The following CACNG2 variants were observed in gnomAD, a reference collection of about 807,000 sequenced individuals.
CACNG2 encodes the protein calcium voltage-gated channel auxiliary subunit gamma 2.
A neutral mutation model predicts 25.9 loss-of-function variants in CACNG2; 3 were observed. The ratio of observed to expected loss-of-function variants is 0.12; its 90% CI spans 0.05 to 0.30. The LOEUF (loss-of-function observed/expected upper bound fraction) is 0.30. Ranked by LOEUF, CACNG2 falls within the 10% of genes least tolerant of loss-of-function variation. The pLI is 1.00. For missense variants in CACNG2, 341 were observed against 432.5 expected (o/e 0.79, Z 1.88); for synonymous variants, 167 against 173.3 (o/e 0.96, Z 0.29).
intron 1 of CACNG2, among the ~76,000 whole-genome samples, chr22:36,693,010 G>T (rs1937285212): frequency 6.6e-6 from 1 of 152,152 alleles, no homozygotes; most frequent in Non-Finnish European, 1.5e-5. Context: ...GATAAGCATG[G>T]TGGTGTGCGC....
At chr22:36,573,767 T>C (rs1251812656) in intron 2 of CACNG2, among the ~76,000 whole-genome samples, 1 of 152,182 alleles carries the variant, frequency 6.6e-6, no homozygotes, top group Non-Finnish European at 1.5e-5. Context: ...CATTCCCTTC[T>C]TTTCAGGCTC....
intron 1 of CACNG2, among the ~76,000 whole-genome samples, chr22:36,629,532 A>ATG (rs1192562180): frequency 2.0e-4 from 31 of 151,656 alleles, no homozygotes; most frequent in South Asian, 8.4e-4. Context: ...GTTCGTGTGT[A>ATG]TGTGTGTGTG....
chr22:36,621,033 T>C (rs1222614312), intron 1 of CACNG2, among the ~76,000 whole-genome samples: 3 of 152,158 alleles, frequency 2.0e-5, no homozygotes, highest in Non-Finnish European at 4.4e-5. Flanking sequence ...AACTCTTACA[T>C]TGTATGAGAT....
At chr22:36,639,334 TC>T (rs2145965098) in intron 1 of CACNG2, among the ~76,000 whole-genome samples, 1 of 152,336 alleles carries the variant, frequency 6.6e-6, no homozygotes, top group East Asian at 1.9e-4. Context: ...GGTCAGTTCT[TC>T]CTAAGAAGTG....
At chr22:36,650,333 C>T (rs1395967773) in intron 1 of CACNG2, among the ~76,000 whole-genome samples, 1 of 152,004 alleles carries the variant, frequency 6.6e-6, no homozygotes, top group Non-Finnish European at 1.5e-5. Context: ...TTCTGCTTGG[C>T]TGGACTCGCT....
chr22:36,680,054 C>CCACCACCTGCATCATGGCTATAAT (rs1937078215), intron 1 of CACNG2, among the ~76,000 whole-genome samples: 1 of 151,306 alleles, frequency 6.6e-6, no homozygotes, highest in Admixed American at 6.6e-5. Flanking sequence ...ATCAGCATCA[C>CCACCACCTGCATCATGGCTATAAT]TACCACCACC....
chr22:36,649,779 A>C lies in CACNG2; in HGVS notation c.211+52587T>G, dbSNP rs187801171. On this transcript the variant is annotated intron_variant, in intron 1 of 3. Coordinates refer to ENST00000300105, the MANE Select transcript of CACNG2 (RefSeq NM_006078.5). ...TCACGAGATATGGTGGTTTTAGAAAAGGGGAGTTCCCCTGCACACGCTGTC... is the reference window on the plus strand; with the variant it reads ...TCACGAGATATGGTGGTTTTAGAAACGGGGAGTTCCCCTGCACACGCTGTC... 8.6e-4 allele frequency among the ~76,000 whole-genome samples: 131 copies of C among 152,290 alleles called. 1 individual carries two copies. Among genetic ancestry groups the C allele is most frequent in the South Asian group, 2.9e-3 (14 of 4,828 alleles).
chr22:36,593,054 T>C (rs1269599632), intron 1 of CACNG2, among the ~76,000 whole-genome samples: 1 of 152,206 alleles, frequency 6.6e-6, no homozygotes, highest in Non-Finnish European at 1.5e-5. Context: ...AGCTGAGTCC[T>C]TAACCCAGCC....
Position 36,564,629 on chromosome 22 carries a change from G to T in CACNG2, c.694C>A (p.Arg232Ser). Residue 232 changes from arginine (R) to serine (S), a missense_variant, in exon 4 of 4, where the codon CGC becomes AGC. Physicochemically the swap from Arg to Ser is moderately radical, Grantham distance 110. Around this residue, in one of 2 missense-constraint regions of CACNG2, gnomAD observed 172 missense variants for 178.1 expected, o/e 0.97. Transcript: ENST00000300105. This position sits in a 1 kb window ranked among gnomAD's most constrained non-coding sequence, Gnocchi z 6.7. ...AITRIPSYRYRYQRRSRSSSR... is the reference protein window; with the variant it reads ...AITRIPSYRYSYQRRSRSSSR... Reference sequence around the variant, plus strand: ...CTGGAGCGGCTGCGGCGCTGGTAGCGGTAGCGGTAGCTGGGGATGCGGGTG... The same window carrying T: ...CTGGAGCGGCTGCGGCGCTGGTAGCTGTAGCGGTAGCTGGGGATGCGGGTG... 6.2e-7 allele frequency: 1 copy of T among 1,613,908 alleles called. No individual in the cohort carries two copies. The highest frequency in any genetic ancestry group is 8.5e-7 in the Non-Finnish European group (1 of 1,179,974).
chr22:36,671,652 C>T (rs574266788), intron 1 of CACNG2, among the ~76,000 whole-genome samples: 2 of 152,328 alleles, frequency 1.3e-5, no homozygotes, highest in South Asian at 2.1e-4. Flanking sequence ...TGTGCATTCC[C>T]GACCTTCCTG....
At chr22:36,613,365 A>G (rs1935975080) in intron 1 of CACNG2, among the ~76,000 whole-genome samples, 1 of 151,676 alleles carries the variant, frequency 6.6e-6, no homozygotes. Flanking sequence ...TGTGGGAGGC[A>G]TTTCTATACA....
intron 1 of CACNG2, among the ~76,000 whole-genome samples, chr22:36,684,364 C>G (rs1330902528): frequency 6.6e-6 from 1 of 151,930 alleles, no homozygotes; most frequent in African/African-American, 2.4e-5. Context: ...ACCTGTAATC[C>G]CAGAACTTTG....
chr22:36,593,767 C>T (rs1311436626), intron 1 of CACNG2, among the ~76,000 whole-genome samples: 1 of 151,704 alleles, frequency 6.6e-6, no homozygotes, highest in African/African-American at 2.4e-5. Flanking sequence ...CCCAACGCCT[C>T]TGGTGGCCAT....
At chr22:36,596,313 G>C (rs1935677805) in intron 1 of CACNG2, among the ~76,000 whole-genome samples, 1 of 152,208 alleles carries the variant, frequency 6.6e-6, no homozygotes, top group African/African-American at 2.4e-5. Flanking sequence ...GGGAGGGTGG[G>C]CCATGCCTGG....
intron 2 of CACNG2, among the ~76,000 whole-genome samples, chr22:36,568,237 G>T (rs970827557): frequency 1.3e-5 from 2 of 152,262 alleles, no homozygotes; most frequent in South Asian, 2.1e-4. Flanking sequence ...CCCAGGGATT[G>T]GTCAGGGAGG....
chr22:36,686,658 G>A (rs1389320904), intron 1 of CACNG2, among the ~76,000 whole-genome samples: 2 of 152,200 alleles, frequency 1.3e-5, no homozygotes, highest in African/African-American at 2.4e-5. Context: ...CTGCTACTAC[G>A]TGCCAGGCAC....
At chr22:36,603,871 C>A (rs1269855199) in intron 1 of CACNG2, among the ~76,000 whole-genome samples, 1 of 152,162 alleles carries the variant, frequency 6.6e-6, no homozygotes, top group East Asian at 1.9e-4. Flanking sequence ...TGTTTTCATG[C>A]CTGCTAACAC....
At chr22:36,668,724 G>C (rs539551335) in intron 1 of CACNG2, among the ~76,000 whole-genome samples, 1 of 152,096 alleles carries the variant, frequency 6.6e-6, no homozygotes, top group East Asian at 1.9e-4. Context: ...TCGAACTCCT[G>C]AGCTCAAGCG....
At chr22:36,635,497 GAAACAACCC>G (rs543802194) in intron 1 of CACNG2, among the ~76,000 whole-genome samples, 173 of 152,232 alleles carry the variant, frequency 1.1e-3, no homozygotes, top group Non-Finnish European at 1.9e-3. Flanking sequence ...TCAAAAGACA[GAAACAACCC>G]AAACATCTAA....
Sources: gnomAD v4.1 joint callset for allele counts (sites outside exome capture counted in the v4.1 genomes callset) on GRCh38, gnomAD v4.1.1 for gene constraint, gnomAD v4.1.1 regional missense constraint, Gnocchi (gnomAD v3.1) non-coding constraint, MANE v1.5 for transcripts, NCBI Gene and HGNC (gene_info 2026-07-23, HGNC 2026-07-21) for gene names.